EEA1: variants seen among roughly 807,000 people sequenced by gnomAD.
EEA1 encodes the protein early endosome antigen 1, also known as early endosome antigen 1, 162kD.
Under a neutral mutation model 209.2 loss-of-function variants are expected in EEA1, and 111 were observed. The ratio of observed to expected loss-of-function variants is 0.53; its 90% CI spans 0.45 to 0.62. The LOEUF is 0.62. Ranked by LOEUF, EEA1 falls within the 20% of genes least tolerant of loss-of-function variation. The pLI, the probability that EEA1 is intolerant of heterozygous loss-of-function variation, is 0.00. For missense variants in EEA1, 1,343 were observed against 1,530.8 expected (o/e 0.88, Z 2.05); for synonymous variants, 536 against 540.6 (o/e 0.99, Z 0.12).
intron 1 of EEA1, among the ~76,000 whole-genome samples, chr12:92,902,634 A>G (rs1438789039): frequency 2.0e-5 from 3 of 151,412 alleles, no homozygotes; most frequent in African/African-American, 7.3e-5. Flanking sequence ...CAAGCTACTC[A>G]GGACGCTGAG....
chr12:92,817,663 C>T (rs1230084162), intron 14 of EEA1, among the ~76,000 whole-genome samples: 4 of 152,212 alleles, frequency 2.6e-5, no homozygotes, highest in Admixed American at 6.5e-5. Context: ...TTTCTCTCCT[C>T]GTCATGGCTC....
intron 23 of EEA1, 143 bp from the exon 24 acceptor site, chr12:92,780,554 G>C (rs1054342716): frequency 1.1e-5 from 6 of 538,162 alleles, no homozygotes; most frequent in Non-Finnish European, 1.9e-5. Flanking sequence ...CCCTCTCTTG[G>C]TTCTTGGCTG....
chr12:92,855,671 G>C (rs1219981403), intron 5 of EEA1, among the ~76,000 whole-genome samples: 1 of 152,088 alleles, frequency 6.6e-6, no homozygotes, highest in Non-Finnish European at 1.5e-5. Flanking sequence ...TAGTATATCT[G>C]ACTTTTTGTT....
At chr12:92,881,748 C>A (rs927945015) in intron 2 of EEA1, among the ~76,000 whole-genome samples, 1 of 152,140 alleles carries the variant, frequency 6.6e-6, no homozygotes, top group Non-Finnish European at 1.5e-5. Context: ...TTACTTCTAG[C>A]AATATGGTGT....
chr12:92,898,237 A>C (rs1879974193), intron 1 of EEA1, among the ~76,000 whole-genome samples: 1 of 152,226 alleles, frequency 6.6e-6, no homozygotes, highest in Non-Finnish European at 1.5e-5. Flanking sequence ...TTCTGGATAG[A>C]GTATTAACCT....
intron 9 of EEA1, among the ~76,000 whole-genome samples, chr12:92,846,651 T>C (rs1442800343): frequency 1.3e-5 from 2 of 152,228 alleles, no homozygotes; most frequent in African/African-American, 4.8e-5. Flanking sequence ...AATCCTCAAT[T>C]TCCAATCCAT....
Position 92,775,114 on chromosome 12 carries a change from T to C in EEA1, c.*897A>G, listed in dbSNP as rs937390222. On this transcript the variant is annotated 3_prime_UTR_variant, in exon 29 of 29. Transcript: ENST00000322349. ...AGAGAGACAAAATAAGGGTATGATA[T>C]GAAGGCTGATCTCAAAAGACTTCCC... 5.3e-5 allele frequency: 8 copies of C among 151,778 alleles called. No individual in the cohort carries two copies. Among genetic ancestry groups the C allele is most frequent in the South Asian group, 2.1e-4 (1 of 4,828 alleles). The allele number at this position is 151,778 out of a possible 1,614,324, so 9.4% of individuals were successfully genotyped here.
intron 3 of EEA1, among the ~76,000 whole-genome samples, chr12:92,859,529 A>G (rs1446186244): frequency 6.6e-6 from 1 of 152,170 alleles, no homozygotes; most frequent in Non-Finnish European, 1.5e-5. Flanking sequence ...TAGAAACAAC[A>G]CTGTAGTAAA....
intron 11 of EEA1, among the ~76,000 whole-genome samples, chr12:92,830,491 A>G (rs914498831): frequency 6.6e-6 from 1 of 152,198 alleles, no homozygotes; most frequent in African/African-American, 2.4e-5. Flanking sequence ...CATTGCTATA[A>G]GGAGCATGAT....
In EEA1 at chr12:92,851,128, G is replaced by T; in HGVS notation, c.781C>A (p.Gln261Lys). ...LKDECKKLQS[Q>K]YASSEATISQ... ...TTCATTACCTCTGAGCTAGCATATT[G>T]TGACTGCAATTTTTTGCATTCATCT... is the stretch of plus-strand genomic sequence containing the variant. The change falls in exon 9 of 29, where the codon CAA becomes AAA. Residue 261 changes from glutamine to lysine, a missense_variant. Gln to Lys is a moderately conservative substitution (Grantham distance 53). Coordinates refer to ENST00000322349, the MANE Select transcript of EEA1 (RefSeq NM_003566.4). The T allele has an allele frequency of 6.2e-7, 1 of 1,613,674 alleles. No individual in the cohort carries two copies. Among genetic ancestry groups the T allele is most frequent in the Non-Finnish European group, 8.5e-7 (1 of 1,179,876 alleles).
At chr12:92,834,546 T>TAAAAAAAAAAAAA (rs5800089) in intron 10 of EEA1, among the ~76,000 whole-genome samples, 1 of 74,424 alleles carries the variant, frequency 1.3e-5, no homozygotes, top group Admixed American at 1.8e-4. Flanking sequence ...ACCCTGTCAC[T>TAAAAAAAAAAAAA]AAAAAAAAAA....
intron 22 of EEA1, among the ~76,000 whole-genome samples, chr12:92,783,268 G>A (rs770997467): frequency 1.6e-4 from 25 of 152,322 alleles, no homozygotes; most frequent in South Asian, 4.1e-4. Context: ...GATACTGTCA[G>A]AATTAAATTG....
At chr12:92,898,960 A>G (rs1458202141) in intron 1 of EEA1, among the ~76,000 whole-genome samples, 2 of 151,466 alleles carry the variant, frequency 1.3e-5, no homozygotes, top group Non-Finnish European at 2.9e-5. Flanking sequence ...GAGTGAAAAA[A>G]AAAAAAAAAA....
intron 25 of EEA1, among the ~76,000 whole-genome samples, chr12:92,778,699 G>A (rs1873767905): frequency 6.6e-6 from 1 of 151,990 alleles, no homozygotes; most frequent in Non-Finnish European, 1.5e-5. Flanking sequence ...TTTGGCATGT[G>A]CAACTTAGGA....
intron 20 of EEA1, among the ~76,000 whole-genome samples, chr12:92,799,373 T>C (rs1037942494): frequency 1.3e-5 from 2 of 152,220 alleles, no homozygotes; most frequent in African/African-American, 4.8e-5. Flanking sequence ...ACTACCTTTC[T>C]TTTTGACTTA....
rs1298263196 is a variant in EEA1, at chr12:92,774,298, A to C, written c.*1713T>G. 1 of 151,564 alleles carries C rather than the reference A, an allele frequency of 6.6e-6. No homozygotes were observed. The highest frequency in any genetic ancestry group is 2.4e-5 in the African/African-American group (1 of 41,396). The allele number at this position is 151,564 out of a possible 1,614,324, so 9.4% of individuals were successfully genotyped here. A position where few individuals can be genotyped will look rare whatever the true frequency, so the allele number is the denominator to read the frequency against. On this transcript the variant is annotated 3_prime_UTR_variant, in exon 29 of 29. Coordinates refer to ENST00000322349, the MANE Select transcript of EEA1 (RefSeq NM_003566.4). ...TCCAGGGACTTAATCAATGTTCTTAATAGCTAATGACAACAGGGTTTACTT... is the reference window on the plus strand; with the variant it reads ...TCCAGGGACTTAATCAATGTTCTTACTAGCTAATGACAACAGGGTTTACTT...
intron 9 of EEA1, among the ~76,000 whole-genome samples, chr12:92,849,643 G>C (rs897298829): frequency 6.6e-6 from 1 of 152,092 alleles, no homozygotes; most frequent in Admixed American, 6.5e-5. Flanking sequence ...GCATCATAAG[G>C]CCTTACATGC....
chr12:92,790,393 T>G (rs1874346756), intron 21 of EEA1, among the ~76,000 whole-genome samples: 1 of 151,520 alleles, frequency 6.6e-6, no homozygotes, highest in African/African-American at 2.4e-5. Flanking sequence ...TGAAAAAAGG[T>G]TTTTTCAACC....
At chr12:92,862,969 C>T (rs1019093421) in intron 3 of EEA1, among the ~76,000 whole-genome samples, 1 of 152,136 alleles carries the variant, frequency 6.6e-6, no homozygotes, top group African/African-American at 2.4e-5. Context: ...GCCTCCAGAA[C>T]ATCTGAGGGA....
Sources: allele counts gnomAD v4.1 joint callset (sites outside exome capture counted in the v4.1 genomes callset), GRCh38; gene constraint gnomAD v4.1.1; transcripts MANE v1.5; gene names NCBI Gene and HGNC (gene_info 2026-07-23, HGNC 2026-07-21).